CPAMD8: variants seen among roughly 807,000 people sequenced by gnomAD.
CPAMD8 encodes C3 and PZP-like alpha-2-macroglobulin domain-containing protein 8.
A neutral mutation model predicts 224.7 loss-of-function variants in CPAMD8; 146 were observed. The observed-to-expected ratio is 0.65, with a 90% CI of 0.57 to 0.75. CPAMD8 has a LOEUF of 0.75. CPAMD8 is among the 30% of genes least tolerant of loss of function. The pLI is 0.00. For synonymous variants in CPAMD8, 966 were observed against 1,044.6 expected (o/e 0.92, Z 1.45); for missense variants, 2,301 against 2,537.5 (o/e 0.91, Z 2.00).
intron 35 of CPAMD8, 130 bp downstream of exon 35, chr19:16,902,519 A>C (rs2052301106): frequency 1.6e-6 from 1 of 632,534 alleles, no homozygotes; most frequent in Non-Finnish European, 2.8e-6. Flanking sequence ...TCTGTCTCAA[A>C]AAAACAAAAC....
In CPAMD8 at chr19:16,899,391, G is replaced by A. The variant is rs1179687767; in HGVS notation, c.4848+84C>T. On this transcript the variant is annotated intron_variant, in intron 37 of 41. Transcript: ENST00000443236. The surrounding 1 kb of genome is among the most constrained non-coding windows in gnomAD (Gnocchi z 5.4). ...TTTTTATGGTACAAGATACTTGCAG[G>A]GAGCCACACCAGGCAGTGACCGGTG... The A allele has an allele frequency of 1.3e-6, 1 of 755,814 alleles. No individual in the cohort carries two copies. The highest frequency in any genetic ancestry group is 2.4e-6 in the Non-Finnish European group (1 of 408,742). 46.8% of individuals were successfully genotyped at this position (755,814 alleles called of 1,614,324 possible).
In CPAMD8 at chr19:16,976,047, C is replaced by T. The variant is rs866889750; in HGVS notation, c.1863G>A (p.Lys621=). 13 of 1,610,898 alleles carry T rather than the reference C, an allele frequency of 8.1e-6. No homozygotes were observed. In the Middle Eastern group the frequency reaches 1.9e-3, roughly 237 times the overall value. Residue 621 remains lysine, a synonymous_variant, in exon 16 of 42, where the codon AAG becomes AAA. Coordinates refer to ENST00000443236, the MANE Select transcript of CPAMD8 (RefSeq NM_015692.5). The part of the protein sequence containing the change: ...GSCVCVAAVD[K]SVYLLRSGFR... ...ACCCAGACCTGAGCAGGTAGACACT[C>T]TTATCAACTGCGGCGACGCACACAC...
intron 30 of CPAMD8, among the ~76,000 whole-genome samples, 179 bp downstream of exon 30, chr19:16,906,773 G>A (rs891690220): frequency 2.0e-5 from 3 of 150,794 alleles, no homozygotes; most frequent in African/African-American, 4.9e-5. Context: ...GCAATGGCGC[G>A]ATCTCTGCTC....
rs10401666 is a variant in CPAMD8 at position 16,922,159 on chromosome 19, T to C, written c.3548-173A>G. Reference sequence around the variant, plus strand: ...TGGAGTCCTTGAAACTGCCATACACTCACATCTGGGGTCCCTGAAACTGCC... The same window carrying C: ...TGGAGTCCTTGAAACTGCCATACACCCACATCTGGGGTCCCTGAAACTGCC... On this transcript the variant is annotated intron_variant, in intron 26 of 41. Transcript: ENST00000443236. Among the ~76,000 whole-genome samples, 83,318 of 151,814 alleles carry C rather than the reference T, an allele frequency of 0.55. 23,492 individuals carry two copies. Among genetic ancestry groups the C allele is most frequent in the Middle Eastern group, 0.64 (188 of 294 alleles).
At position 16,928,960 on chromosome 19, in the gene CPAMD8, C is replaced by T. The variant is rs780504978; in HGVS notation, c.3126G>A (p.Trp1042Ter). 2 of 1,608,596 alleles carry T rather than the reference C, an allele frequency of 1.2e-6. No homozygotes were observed. The highest frequency in any genetic ancestry group is 1.7e-6 in the Non-Finnish European group (2 of 1,176,626). Reference sequence around the variant, plus strand: ...TGTATACCTGGATAAGGCCACCACGCCAGCTGATCCAGAATGTTCTGAATT... The same window carrying T: ...TGTATACCTGGATAAGGCCACCACGTCAGCTGATCCAGAATGTTCTGAATT... ...WDEFRTFWIS[W>*]RGGLIQVGHG... The change falls in exon 24 of 42, where the codon TGG becomes TGA. Residue 1042 changes from tryptophan to a stop codon, truncating the protein, a stop_gained. Coordinates refer to ENST00000443236, the MANE Select transcript of CPAMD8 (RefSeq NM_015692.5). LOFTEE classifies it high-confidence loss of function.
intron 14 of CPAMD8, among the ~76,000 whole-genome samples, chr19:16,978,754 C>T (rs975924980): frequency 6.6e-6 from 1 of 152,096 alleles, no homozygotes; most frequent in African/African-American, 2.4e-5. Context: ...TCTATCCATC[C>T]ATCCATCTAT....
At chr19:16,974,036 G>A (rs545734943) in intron 17 of CPAMD8, among the ~76,000 whole-genome samples, 1 of 151,196 alleles carries the variant, frequency 6.6e-6, no homozygotes, top group African/African-American at 2.4e-5. Context: ...CACCGTGTTG[G>A]CCAGGATGGT....
intron 18 of CPAMD8, among the ~76,000 whole-genome samples, chr19:16,958,291 A>C (rs1170513999): frequency 1.3e-5 from 2 of 152,036 alleles, no homozygotes; most frequent in African/African-American, 2.4e-5. Flanking sequence ...CCCATCCTCA[A>C]GTAGACCTGT....
At chr19:16,943,730 C>T (rs1310292402) in intron 22 of CPAMD8, among the ~76,000 whole-genome samples, 2 of 152,162 alleles carry the variant, frequency 1.3e-5, no homozygotes, top group East Asian at 1.9e-4. Flanking sequence ...GTTATAAATG[C>T]CTGTGTGACA....
chr19:16,922,762 G>A (rs1438262250), intron 26 of CPAMD8, among the ~76,000 whole-genome samples: 1 of 151,994 alleles, frequency 6.6e-6, no homozygotes, highest in African/African-American at 2.4e-5. Flanking sequence ...CACATCTGGG[G>A]TCCTTGAAAC....
chr19:16,984,005 T>C (rs1009846008), intron 13 of CPAMD8, among the ~76,000 whole-genome samples: 2 of 152,016 alleles, frequency 1.3e-5, no homozygotes, highest in East Asian at 3.9e-4. Context: ...AGGAGAGACA[T>C]AGAAACCAGT....
At chr19:16,966,204 T>G (rs183586807) in intron 18 of CPAMD8, among the ~76,000 whole-genome samples, 4 of 152,310 alleles carry the variant, frequency 2.6e-5, no homozygotes, top group Admixed American at 2.6e-4. Flanking sequence ...TACAACCATC[T>G]GATCTTTGAC....
At chr19:16,916,488 G>C (rs1055585290) in intron 27 of CPAMD8, among the ~76,000 whole-genome samples, 1 of 152,130 alleles carries the variant, frequency 6.6e-6, no homozygotes, top group African/African-American at 2.4e-5. Context: ...CTGACCTCAA[G>C]TGATCCTCCC....
intron 20 of CPAMD8, among the ~76,000 whole-genome samples, chr19:16,951,008 C>G (rs2054281990): frequency 6.6e-6 from 1 of 152,072 alleles, no homozygotes; most frequent in African/African-American, 2.4e-5. Flanking sequence ...TTCCTGCCGC[C>G]TCCAAGAGAG....
chr19:16,894,542 ACCT>A (rs2051884268), intron 41 of CPAMD8: 4 of 448,060 alleles, frequency 8.9e-6, no homozygotes, highest in Non-Finnish European at 1.8e-5. Flanking sequence ...GCCAGCTGCC[ACCT>A]CCTCATTTAG....
At chr19:16,904,174 G>GGAGGCCCCCCCCCCCCCCCCCCA in intron 32 of CPAMD8, 52 bp downstream of exon 32, 1 of 1,120,740 alleles carries the variant, frequency 8.9e-7, no homozygotes, top group East Asian at 2.5e-5. Flanking sequence ...AGGACTGCAG[G>GGAGGCCCCCCCCCCCCCCCCCCA]GACCCCACCC....
intron 23 of CPAMD8, among the ~76,000 whole-genome samples, chr19:16,931,987 C>G (rs1365532851): frequency 1.3e-5 from 2 of 152,090 alleles, no homozygotes; most frequent in Non-Finnish European, 1.5e-5. Flanking sequence ...GACTGTTACA[C>G]CAAACACCAA....
intron 12 of CPAMD8, among the ~76,000 whole-genome samples, chr19:16,993,046 C>G: frequency 6.6e-6 from 1 of 152,138 alleles, no homozygotes; most frequent in East Asian, 1.9e-4. Context: ...CAAAATGGCT[C>G]AATGTAGTTG....
rs767266770 is a variant in CPAMD8, at chr19:16,903,849, G to A, written c.4260C>T (p.Cys1420=). 82 of 1,613,322 alleles carry A rather than the reference G, an allele frequency of 5.1e-5. No individual in the cohort carries two copies. Among genetic ancestry groups the A allele is most frequent in the Middle Eastern group, 1.6e-4 (1 of 6,084 alleles). Residue 1420 remains cysteine (C), a synonymous_variant, in exon 33 of 42, where the codon TGC becomes TGT. Transcript: ENST00000443236. ...ATTCAGCCAAGGCCTGCAGAGCCACGCAGGTGTCCTGGGGATGGAGGAGGA... is the reference window on the plus strand; with the variant it reads ...ATTCAGCCAAGGCCTGCAGAGCCACACAGGTGTCCTGGGGATGGAGGAGGA... The part of the protein sequence containing the change: ...LGGFSSTQDT[C]VALQALAEYA...
Sources: allele counts gnomAD v4.1 joint callset (sites outside exome capture counted in the v4.1 genomes callset), GRCh38; gene constraint gnomAD v4.1.1; non-coding constraint Gnocchi (gnomAD v3.1); transcripts MANE v1.5; gene names NCBI Gene and HGNC (gene_info 2026-07-23, HGNC 2026-07-21).